The following PLEC variants were observed in gnomAD, a reference collection of about 807,000 sequenced individuals.
PLEC encodes hemidesmosomal protein 1.
A neutral mutation model predicts 392.8 loss-of-function variants in PLEC; 216 were observed. The ratio of observed to expected loss-of-function variants is 0.55; its 90% CI spans 0.49 to 0.62. The LOEUF (loss-of-function observed/expected upper bound fraction) is 0.62. PLEC is among the 20% of genes least tolerant of loss of function. PLEC has a pLI of 0.00. For missense variants in PLEC, 6,863 were observed against 6,563.4 expected (o/e 1.05, Z -1.58); for synonymous variants, 3,621 against 2,980.6 (o/e 1.21, Z -7.00).
rs782334348 is a variant in PLEC at position 143,938,252 on chromosome 8, G to A, written c.175-12C>T. The A allele has an allele frequency of 8.8e-6, 14 of 1,585,334 alleles. No homozygotes were observed. In the African/African-American group the frequency reaches 1.6e-4, roughly 18 times the overall value. On this transcript the variant is annotated splice_polypyrimidine_tract_variant and intron_variant, in intron 2 of 31. Coordinates refer to ENST00000345136, the MANE Select transcript of PLEC (RefSeq NM_201384.3). ...ATGTGCCTCTGGGCCTGTGGGGACA[G>A]CAGCGGCTGAGGTGGCCAGTCCCCC...
intron 3 of PLEC, among the ~76,000 whole-genome samples, 170 bp from the exon 4 acceptor site, chr8:143,937,412 G>GGGCCAGGCCAGGCCCATC (rs1227984161): frequency 6.6e-6 from 1 of 152,184 alleles, no homozygotes; most frequent in Non-Finnish European, 1.5e-5. Flanking sequence ...ACCGGCCCAG[G>GGGCCAGGCCAGGCCCATC]GGCCAGGCCA....
At chr8:143,943,939 G>A (rs1830991170), upstream of PLEC, 1 of 1,589,028 alleles carries the variant, frequency 6.3e-7, no homozygotes. Context: ...CTGGGAACCG[G>A]CTGCTCCAGG....
upstream of PLEC, chr8:143,943,951 T>G (rs1418184148): frequency 4.4e-6 from 7 of 1,577,138 alleles, 1 homozygote; most frequent in African/African-American, 2.7e-5. Flanking sequence ...TGCTCCAGGC[T>G]AGACAGCCCC....
At position 143,922,210 on chromosome 8, in the gene PLEC, C is replaced by T. The variant is rs1554688854; in HGVS notation, c.7611G>A (p.Gln2537=). The part of the protein sequence containing the change: ...AQQLREEQQR[Q]QQQMEQERQR... ...GCCGTTCCTGCTCCATCTGCTGCTG[C>T]TGCCGCTGCTGCTCCTCACGCAGCT... Residue 2537 remains glutamine, a synonymous_variant, in exon 32 of 32, where the codon CAG becomes CAA. Coordinates refer to ENST00000345136, the MANE Select transcript of PLEC (RefSeq NM_201384.3). 1.3e-6 allele frequency: 2 copies of T among 1,558,358 alleles called. No individual in the cohort carries two copies. Among genetic ancestry groups the T allele is most frequent in the Non-Finnish European group, 1.7e-6 (2 of 1,155,388 alleles).
chr8:143,922,760 G>A lies in PLEC; in HGVS notation c.7169C>T (p.Ala2390Val). ...GCGGGCCTGGGCTCGGCTCATCTCG[G>A]CCACACGCAGCTTGAGGCGCTCAGC... ...AEAERLKLRV[A>V]EMSRAQARAE... Residue 2390 changes from alanine to valine, a missense_variant, in exon 31 of 32, where the codon GCC becomes GTC. By Grantham distance (64) the Ala-to-Val change is moderately conservative. Transcript: ENST00000345136. The A allele has an allele frequency of 6.2e-7, 1 of 1,607,716 alleles. No homozygotes were observed. The highest frequency in any genetic ancestry group is 8.5e-7 in the Non-Finnish European group (1 of 1,178,884).
At chr8:143,942,305 G>A, upstream of PLEC, 1 of 1,522,696 alleles carries the variant, frequency 6.6e-7, no homozygotes, top group Non-Finnish European at 9.0e-7. Flanking sequence ...TCCCAGCCCA[G>A]GCGGCGGTTC....
chr8:143,958,375 C>A (rs1832707556), upstream of PLEC, among the ~76,000 whole-genome samples: 1 of 152,186 alleles, frequency 6.6e-6, no homozygotes, highest in South Asian at 2.1e-4. This position sits in a 1 kb window ranked among gnomAD's most constrained non-coding sequence, Gnocchi z 4.9. Flanking sequence ...CTCCTCTCTC[C>A]CCTGCAGCCC....
chr8:143,946,297 C>T (rs781886538), intron 1 of PLEC: 104 of 1,221,274 alleles, frequency 8.5e-5, no homozygotes, highest in African/African-American at 1.1e-4. Context: ...CTGCCAGAGG[C>T]GGCCCCGGCC....
intron 5 of PLEC, 96 bp downstream of exon 5, chr8:143,936,883 C>A (rs1829191325): frequency 1.0e-6 from 1 of 988,140 alleles, no homozygotes; most frequent in Non-Finnish European, 1.6e-6. Flanking sequence ...CCAGGCCACG[C>A]CCTAGCCAGA....
exon 1 of PLEC, chr8:143,950,216 G>A (rs782049394): frequency 6.5e-7 from 1 of 1,549,824 alleles, no homozygotes; most frequent in Non-Finnish European, 8.7e-7. Context: ...GCCTGGCCTG[G>A]CCAGGGTCCG....
upstream of PLEC, chr8:143,943,828 G>T: frequency 6.2e-7 from 1 of 1,612,334 alleles, no homozygotes; most frequent in South Asian, 1.1e-5. Flanking sequence ...GCCACACAGC[G>T]GCCAGGGTGA....
rs1281399891 is a variant in PLEC, at chr8:143,969,736, C to G, written c.70+3667G>C. On this transcript the variant is annotated intron_variant, in intron 1 of 31. Coordinates refer to the PLEC transcript ENST00000356346. This position sits in a 1 kb window ranked among gnomAD's most constrained non-coding sequence, Gnocchi z 5.1. ...CCGGGGAGTGGGGAGTGGGGCCAGC[C>G]GGGGGCCTGGGCAGCTGGGGATAGA... 9.9e-5 allele frequency among the ~76,000 whole-genome samples: 15 copies of G among 151,554 alleles called. No homozygotes were observed. The highest frequency in any genetic ancestry group is 9.2e-4 in the Admixed American group (14 of 15,216).
chr8:143,945,005 G>A (rs1166546481), intron 1 of PLEC, among the ~76,000 whole-genome samples: 1 of 145,040 alleles, frequency 6.9e-6, no homozygotes, highest in Non-Finnish European at 1.5e-5. Context: ...ATATAATAGA[G>A]CAGGGCGCGG....
At chr8:143,936,584 C>T (rs11784417) in intron 5 of PLEC, among the ~76,000 whole-genome samples, 44,864 of 152,202 alleles carry the variant, frequency 0.29, 7,878 homozygotes, top group Non-Finnish European at 0.39. Context: ...ACTCAGCTGC[C>T]GTGCCAGCAC....
At position 143,931,949 on chromosome 8, in the gene PLEC, A is replaced by G. The variant is rs1554715931; in HGVS notation, c.2166T>C (p.Ala722=). 3 of 1,606,616 alleles carry G rather than the reference A, an allele frequency of 1.9e-6. No individual in the cohort carries two copies. Among genetic ancestry groups the G allele is most frequent in the Non-Finnish European group, 2.5e-6 (3 of 1,177,754 alleles). ...CCIEAHLKEN[A]AYFQFFSDVR... ...CTCCGGTTCTCACCTGAAAGTAGGC[A>G]GCGTTCTCCTTCAGGTGTGCCTCGA... is the stretch of plus-strand genomic sequence containing the variant. Residue 722 remains alanine, a synonymous_variant, in exon 18 of 32, where the codon GCT becomes GCC. Transcript: ENST00000345136.
At position 143,921,597 on chromosome 8, in the gene PLEC, G is replaced by A. The variant is rs1554686444; in HGVS notation, c.8224C>T (p.Pro2742Ser). Residue 2742 changes from proline (P) to serine (S), a missense_variant, in exon 32 of 32, where the codon CCT (proline) becomes TCT (serine). Coordinates refer to ENST00000345136, the MANE Select transcript of PLEC (RefSeq NM_201384.3). ...ACGGTCAGCCGCCGGTTCCGCACAG[G>A]GTCCAGCAGGAAGCCTGAGGCCGCC... ...AQAASGFLLD[P>S]VRNRRLTVNE... 35 of 1,612,646 alleles carry A rather than the reference G, an allele frequency of 2.2e-5. No individual in the cohort carries two copies. Among genetic ancestry groups the A allele is most frequent in the Non-Finnish European group, 3.0e-5 (35 of 1,179,702 alleles).
chr8:143,930,141 C>A lies in PLEC; in HGVS notation c.2612+3G>T. The A allele has an allele frequency of 6.3e-7, 1 of 1,585,190 alleles. No homozygotes were observed. Among genetic ancestry groups the A allele is most frequent in the Non-Finnish European group, 8.5e-7 (1 of 1,171,582 alleles). ...CCCCACCTGCTGAGCCCCCGCCACC[C>A]ACCTGGTGACGGCCTCCTGGGCCTC... On this transcript the variant is annotated splice_donor_region_variant and intron_variant, in intron 21 of 31. Transcript: ENST00000345136.
At chr8:143,942,504 C>T (rs782033804), upstream of PLEC, 2 of 1,580,058 alleles carry the variant, frequency 1.3e-6, no homozygotes, top group African/African-American at 1.3e-5. Flanking sequence ...AGGCGCCCCC[C>T]GCCCCCGACA....
In PLEC at chr8:143,922,202, TGCTGCTGCTGCC is replaced by T; in HGVS notation, c.7607_7618del (p.Arg2536_Gln2539del). On this transcript the variant is annotated inframe_deletion, in exon 32 of 32. Transcript: ENST00000345136. ...CAGCCGCTGCCGTTCCTGCTCCATC[TGCTGCTGCTGCC>T]GCTGCTGCTCCTCACGCAGCTGCTG... 2 of 1,552,370 alleles carry T rather than the reference TGCTGCTGCTGCC, an allele frequency of 1.3e-6. No individual in the cohort carries two copies. The highest frequency in any genetic ancestry group is 1.7e-6 in the Non-Finnish European group (2 of 1,152,728).
Sources: allele counts gnomAD v4.1 joint callset (sites outside exome capture counted in the v4.1 genomes callset), GRCh38; gene constraint gnomAD v4.1.1; non-coding constraint Gnocchi (gnomAD v3.1); transcripts MANE v1.5; gene names NCBI Gene and HGNC (gene_info 2026-07-23, HGNC 2026-07-21).